SDK1: variants seen among roughly 807,000 people sequenced by gnomAD.
SDK1 encodes the protein sidekick cell adhesion molecule 1.
In SDK1, 157 loss-of-function variants were observed where a neutral mutation model predicts 245.5. That is an observed-to-expected ratio of 0.64 (90% CI 0.56 to 0.73). SDK1 has a LOEUF of 0.73. Ranked by LOEUF, SDK1 falls within the 30% of genes least tolerant of loss-of-function variation. The pLI, the probability that SDK1 is intolerant of heterozygous loss-of-function variation, is 0.00. For synonymous variants in SDK1, 1,647 were observed against 1,278.5 expected, an observed-to-expected ratio of 1.29 and a Z score of -6.15; for missense variants, 3,583 against 3,002.3, an observed-to-expected ratio of 1.19 and a Z score of -4.52.
chr7:4,043,950 T>C lies in SDK1; in HGVS notation c.2603-5398T>C, dbSNP rs534427758. Among the ~76,000 whole-genome samples the C allele has an allele frequency of 2.2e-4, 34 of 152,332 alleles. 1 individual carries two copies. The highest frequency in any genetic ancestry group is 7.7e-4 in the African/African-American group (32 of 41,578). On this transcript the variant is annotated intron_variant, in intron 17 of 44. Coordinates refer to ENST00000404826, the MANE Select transcript of SDK1 (RefSeq NM_152744.4). Reference sequence around the variant, plus strand: ...CCAATAGCTCCTGGCGTTTATTCTTTCTTTTCCCTTTTCTTCCTTTTTCTC... The same window carrying C: ...CCAATAGCTCCTGGCGTTTATTCTTCCTTTTCCCTTTTCTTCCTTTTTCTC...
intron 13 of SDK1, 22 bp downstream of exon 13, chr7:3,974,567 G>A (rs1349405278): frequency 1.9e-6 from 3 of 1,606,808 alleles, no homozygotes; most frequent in Admixed American, 1.7e-5. Context: ...GACGTTTGGT[G>A]TTAGCCAGTC....
chr7:3,735,104 C>G (rs1483432852), intron 4 of SDK1, among the ~76,000 whole-genome samples: 1 of 151,962 alleles, frequency 6.6e-6, no homozygotes, highest in Non-Finnish European at 1.5e-5. Flanking sequence ...AGGAGTCCAG[C>G]TCCATTAATT....
chr7:3,577,525 C>T (rs943743563), intron 1 of SDK1, among the ~76,000 whole-genome samples: 1 of 151,958 alleles, frequency 6.6e-6, no homozygotes, highest in Non-Finnish European at 1.5e-5. Context: ...ATTGTTTGTG[C>T]CTCCACCTCA....
intron 14 of SDK1, among the ~76,000 whole-genome samples, chr7:4,003,272 C>G (rs529196856): frequency 6.6e-6 from 1 of 152,234 alleles, no homozygotes; most frequent in African/African-American, 2.4e-5. Flanking sequence ...AGACCAACCA[C>G]TCATGGTAGG....
At chr7:3,610,672 A>G (rs532720259) in intron 1 of SDK1, among the ~76,000 whole-genome samples, 25 of 152,348 alleles carry the variant, frequency 1.6e-4, no homozygotes, top group Non-Finnish European at 1.9e-4. Flanking sequence ...GGAAGCTTGA[A>G]TGGTTTCTTA....
chr7:3,947,760 A>G (rs1457127624), intron 5 of SDK1, among the ~76,000 whole-genome samples: 1 of 152,132 alleles, frequency 6.6e-6, no homozygotes, highest in Non-Finnish European at 1.5e-5. Context: ...GTTTGAAAGT[A>G]TCATGAAGTG....
chr7:4,165,218 G>A (rs1781430328), intron 32 of SDK1, among the ~76,000 whole-genome samples: 1 of 152,044 alleles, frequency 6.6e-6, no homozygotes, highest in Non-Finnish European at 1.5e-5. Flanking sequence ...AATTAGCCGG[G>A]CGTGGTGATG....
At chr7:3,364,392 TTTCTTTTAAAAG>T (rs1440833980) in intron 1 of SDK1, among the ~76,000 whole-genome samples, 5 of 152,220 alleles carry the variant, frequency 3.3e-5, no homozygotes, top group Non-Finnish European at 5.9e-5. Context: ...CGTGTGTTGG[TTTCTTTTAAAAG>T]TTCTGTAGTT....
intron 1 of SDK1, among the ~76,000 whole-genome samples, chr7:3,328,395 G>A (rs1413768945): frequency 6.6e-6 from 1 of 151,978 alleles, no homozygotes; most frequent in African/African-American, 2.4e-5. Context: ...TGATGATGAT[G>A]ATTTCATTTT....
chr7:3,726,356 T>C (rs1339190080), intron 4 of SDK1, among the ~76,000 whole-genome samples: 1 of 152,216 alleles, frequency 6.6e-6, no homozygotes, highest in African/African-American at 2.4e-5. Flanking sequence ...ATAGTTGGTA[T>C]AGGCAAACAA....
chr7:3,852,497 C>G (rs984470445), intron 5 of SDK1, among the ~76,000 whole-genome samples: 1 of 151,564 alleles, frequency 6.6e-6, no homozygotes, highest in Non-Finnish European at 1.5e-5. Flanking sequence ...CCTGTAATCC[C>G]AGCACTTTGG....
At chr7:4,214,634 C>T (rs916301887) in intron 38 of SDK1, among the ~76,000 whole-genome samples, 3 of 151,812 alleles carry the variant, frequency 2.0e-5, no homozygotes, top group Non-Finnish European at 2.9e-5. Flanking sequence ...TCAGGAAGAA[C>T]AAGCCATGCA....
intron 17 of SDK1, among the ~76,000 whole-genome samples, chr7:4,048,791 A>G (rs1259704324): frequency 6.6e-6 from 1 of 152,214 alleles, no homozygotes; most frequent in Non-Finnish European, 1.5e-5. Context: ...TGGGTTCAAT[A>G]GCTGTTCTGT....
chr7:3,746,722 G>C (rs969574073), intron 4 of SDK1, among the ~76,000 whole-genome samples: 2 of 152,158 alleles, frequency 1.3e-5, no homozygotes, highest in Non-Finnish European at 2.9e-5. Context: ...CATGTCTTCA[G>C]ACTCCACTGC....
intron 30 of SDK1, among the ~76,000 whole-genome samples, chr7:4,151,240 G>A (rs568155498): frequency 4.1e-4 from 62 of 152,272 alleles, no homozygotes; most frequent in African/African-American, 1.4e-3. Flanking sequence ...AAGGAAGCCA[G>A]CGCCCCAGTG....
At chr7:3,972,507 C>G (rs955873428) in intron 12 of SDK1, among the ~76,000 whole-genome samples, 1 of 152,160 alleles carries the variant, frequency 6.6e-6, no homozygotes, top group East Asian at 1.9e-4. Context: ...GGAGCTGTTC[C>G]CTGAAGAGCA....
intron 35 of SDK1, among the ~76,000 whole-genome samples, chr7:4,191,021 G>C (rs1439615404): frequency 6.6e-6 from 1 of 152,192 alleles, no homozygotes; most frequent in African/African-American, 2.4e-5. Context: ...TTCTGCTGGG[G>C]TGACCCTTGT....
chr7:3,447,916 C>G (rs191114394), intron 1 of SDK1, among the ~76,000 whole-genome samples: 2 of 151,878 alleles, frequency 1.3e-5, no homozygotes, highest in East Asian at 3.9e-4. Flanking sequence ...GTTAGTCAGG[C>G]TGGTCTCGAA....
intron 4 of SDK1, among the ~76,000 whole-genome samples, chr7:3,684,455 C>A (rs1252925595): frequency 6.6e-6 from 1 of 152,202 alleles, no homozygotes; most frequent in Non-Finnish European, 1.5e-5. Flanking sequence ...GTTGGAGAAG[C>A]CCAGCATAAA....
Sources: allele counts gnomAD v4.1 joint callset (sites outside exome capture counted in the v4.1 genomes callset), GRCh38; gene constraint gnomAD v4.1.1; transcripts MANE v1.5; gene names NCBI Gene and HGNC (gene_info 2026-07-23, HGNC 2026-07-21).